The following SUZ12 variants were observed in gnomAD, a reference collection of about 807,000 sequenced individuals.
SUZ12 encodes polycomb protein SUZ12.
SUZ12 carries 17 observed loss-of-function variants against 87.3 expected under a neutral mutation model. That is an observed-to-expected ratio of 0.19 (90% CI 0.13 to 0.29). SUZ12 has a LOEUF of 0.29. SUZ12 is among the 10% of genes least tolerant of loss of function. SUZ12 has a pLI of 1.00. For missense variants in SUZ12, 526 were observed against 912.2 expected, an observed-to-expected ratio of 0.58 and a Z score of 5.45; for synonymous variants, 253 against 312.4, an observed-to-expected ratio of 0.81 and a Z score of 2.01.
rs575713510 is a variant in SUZ12, at chr17:31,938,045, C to G, written c.274+525C>G. On this transcript the variant is annotated intron_variant, in intron 1 of 15. Coordinates refer to ENST00000322652, the MANE Select transcript of SUZ12 (RefSeq NM_015355.4). The stretch of plus-strand genomic sequence containing the variant: ...TTTGGATGCTTAAAACCCTTCAAAT[C>G]TATCCACCCATTTTGTGGATATGTA... Among the ~76,000 whole-genome samples, 336 of 151,538 alleles carry G rather than the reference C, an allele frequency of 2.2e-3. 1 individual carries two copies. The highest frequency in any genetic ancestry group is 7.6e-3 in the African/African-American group (314 of 41,238).
chr17:31,958,803 A>C (rs924347535), intron 4 of SUZ12, among the ~76,000 whole-genome samples: 13 of 152,116 alleles, frequency 8.5e-5, no homozygotes, highest in African/African-American at 3.1e-4. Flanking sequence ...CCGAGATTAC[A>C]CCGCTGCACT....
At chr17:31,947,896 A>C (rs945705528) in intron 4 of SUZ12, among the ~76,000 whole-genome samples, 9 of 152,112 alleles carry the variant, frequency 5.9e-5, no homozygotes, top group Non-Finnish European at 8.8e-5. Flanking sequence ...CCTCCAGTGT[A>C]GTTGTATTTA....
intron 11 of SUZ12, among the ~76,000 whole-genome samples, 175 bp downstream of exon 11, chr17:31,993,508 G>A (rs1164772862): frequency 6.6e-6 from 1 of 152,032 alleles, no homozygotes; most frequent in Non-Finnish European, 1.5e-5. Flanking sequence ...TGCAACCTCT[G>A]CCTCCTGGGT....
At position 31,995,590 on chromosome 17, in the gene SUZ12, C is replaced by G. The variant is rs1432802902; in HGVS notation, c.1622C>G (p.Ser541Cys). Residue 541 changes from serine (S) to cysteine (C), a missense_variant, in exon 14 of 16, where the codon TCT (serine) becomes TGT (cysteine). Ser to Cys is a moderately radical substitution (Grantham distance 112). Coordinates refer to ENST00000322652, the MANE Select transcript of SUZ12 (RefSeq NM_015355.4). ...CRPKRTKASM[S>C]EFLESEDGEV... ...CCAAAACGAACAAAAGCAAGCATGTCTGAATTTCTTGAATCTGAAGATGGG... is the reference window on the plus strand; with the variant it reads ...CCAAAACGAACAAAAGCAAGCATGTGTGAATTTCTTGAATCTGAAGATGGG... 1 of 1,613,814 alleles carries G rather than the reference C, an allele frequency of 6.2e-7. No homozygotes were observed. Among genetic ancestry groups the G allele is most frequent in the Non-Finnish European group, 8.5e-7 (1 of 1,179,968 alleles).
Position 31,998,896 on chromosome 17 carries a change from C to G in SUZ12, c.2113C>G (p.Gln705Glu). 6.2e-7 allele frequency: 1 copy of G among 1,613,438 alleles called. No homozygotes were observed. Among genetic ancestry groups the G allele is most frequent in the Non-Finnish European group, 8.5e-7 (1 of 1,179,862 alleles). Residue 705 changes from glutamine to glutamate, a missense_variant, in exon 16 of 16, where the codon CAA becomes GAA. By Grantham distance (29) the Gln-to-Glu change is conservative. Coordinates refer to ENST00000322652, the MANE Select transcript of SUZ12 (RefSeq NM_015355.4). Reference sequence around the variant, plus strand: ...TGCAAACGAAGAAATAACTGAAGAACAAAATGGGACAGCAAATGGATTTAG... The same window carrying G: ...TGCAAACGAAGAAATAACTGAAGAAGAAAATGGGACAGCAAATGGATTTAG... ...SPANEEITEEQNGTANGFSEI... is the reference protein window; with the variant it reads ...SPANEEITEEENGTANGFSEI...
intron 8 of SUZ12, among the ~76,000 whole-genome samples, chr17:31,982,475 G>C (rs1362252866): frequency 1.3e-5 from 2 of 152,136 alleles, no homozygotes; most frequent in Non-Finnish European, 2.9e-5. Flanking sequence ...GCCTGGCCAA[G>C]ATGCTGAAAC....
intron 8 of SUZ12, among the ~76,000 whole-genome samples, chr17:31,979,123 A>AAAAAAAAAG (rs1389571589): frequency 5.5e-5 from 8 of 145,730 alleles, no homozygotes; most frequent in African/African-American, 2.1e-4. Flanking sequence ...AAAAAAAAAA[A>AAAAAAAAAG]AAGAATTCAA....
At chr17:31,998,078 A>G (rs1321013303) in intron 15 of SUZ12, among the ~76,000 whole-genome samples, 1 of 136,554 alleles carries the variant, frequency 7.3e-6, no homozygotes, top group African/African-American at 2.8e-5. Context: ...TCTCTACTAA[A>G]TTTTTTTTTT....
At chr17:31,994,055 G>T (rs757737055) in intron 12 of SUZ12, 47 bp downstream of exon 12, 2 of 1,576,352 alleles carry the variant, frequency 1.3e-6, no homozygotes, top group East Asian at 2.3e-5. Flanking sequence ...GAAATCTCTT[G>T]TACCCCATAA....
intron 4 of SUZ12, 174 bp from the exon 5 acceptor site, chr17:31,965,973 T>G (rs1382090921): frequency 3.7e-6 from 2 of 546,362 alleles, no homozygotes; most frequent in Non-Finnish European, 6.4e-6. Context: ...AGACACACTT[T>G]TGGATGTCAT....
chr17:31,997,148 G>A (rs1910018771), intron 15 of SUZ12, among the ~76,000 whole-genome samples: 1 of 152,064 alleles, frequency 6.6e-6, no homozygotes, highest in African/African-American at 2.4e-5. Flanking sequence ...CTTGCCTTTA[G>A]AACTTGTTGC....
chr17:31,972,699 C>G (rs1391788225), intron 5 of SUZ12, among the ~76,000 whole-genome samples: 1 of 151,244 alleles, frequency 6.6e-6, no homozygotes, highest in African/African-American at 2.4e-5. Context: ...CAGGCATGAG[C>G]CACTATGCCT....
intron 6 of SUZ12, among the ~76,000 whole-genome samples, chr17:31,973,899 C>T (rs1908583165): frequency 6.6e-6 from 1 of 152,022 alleles, no homozygotes; most frequent in Non-Finnish European, 1.5e-5. Flanking sequence ...GACTAAGGCA[C>T]CATGGAGGCA....
intron 15 of SUZ12, among the ~76,000 whole-genome samples, 178 bp from the exon 16 acceptor site, chr17:31,998,480 T>C (rs1009623934): frequency 6.6e-6 from 1 of 152,212 alleles, no homozygotes; most frequent in Non-Finnish European, 1.5e-5. Flanking sequence ...TCTCTTGAAA[T>C]TTTTAAAATG....
rs1908864631 is a variant in SUZ12 at position 31,978,053 on chromosome 17, T to C, written c.917+1439T>C. Among the ~76,000 whole-genome samples, 3 of 152,120 alleles carry C rather than the reference T, an allele frequency of 2.0e-5. No homozygotes were observed. In the South Asian group the frequency reaches 6.2e-4, roughly 31 times the overall value. On this transcript the variant is annotated intron_variant, in intron 8 of 15. Transcript: ENST00000322652. ...AGTGAAAGAATGTCTGGGAAGCAAATCCAGCATTTTTTCTTTTTGGGATTG... is the reference window on the plus strand; with the variant it reads ...AGTGAAAGAATGTCTGGGAAGCAAACCCAGCATTTTTTCTTTTTGGGATTG...
chr17:31,997,886 T>C (rs1910064210), intron 15 of SUZ12, among the ~76,000 whole-genome samples: 1 of 152,138 alleles, frequency 6.6e-6, no homozygotes, highest in Admixed American at 6.6e-5. Flanking sequence ...TGGATTTGTT[T>C]ACCATTTCAT....
At chr17:31,942,154 C>T (rs564447010) in intron 3 of SUZ12, among the ~76,000 whole-genome samples, 38 of 151,104 alleles carry the variant, frequency 2.5e-4, no homozygotes, top group South Asian at 1.3e-3. Flanking sequence ...GCCCGGCCTC[C>T]GCTGGTTATT....
chr17:31,994,605 G>T lies in SUZ12; in HGVS notation c.1479G>T (p.Glu493Asp). ...CTAGGATAGATGTTTCTATCAATGA[G>T]TGTTATGATGGCTCCTATGCAGGAA... Reference protein sequence around the residue: ...KGARIDVSINECYDGSYAGNP... With the variant: ...KGARIDVSINDCYDGSYAGNP... The change falls in exon 13 of 16, where the codon GAG becomes GAT. Residue 493 changes from glutamate to aspartate, a missense_variant. By Grantham distance (45) the Glu-to-Asp change is conservative. Coordinates refer to ENST00000322652, the MANE Select transcript of SUZ12 (RefSeq NM_015355.4). 1 of 1,613,912 alleles carries T rather than the reference G, an allele frequency of 6.2e-7. No individual in the cohort carries two copies. The highest frequency in any genetic ancestry group is 8.5e-7 in the Non-Finnish European group (1 of 1,179,962).
intron 4 of SUZ12, among the ~76,000 whole-genome samples, chr17:31,956,760 G>GTA (rs889853999): frequency 1.3e-5 from 2 of 151,656 alleles, no homozygotes; most frequent in African/African-American, 2.4e-5. Flanking sequence ...GTGTGTGTGT[G>GTA]TATATATATG....
Sources: gnomAD v4.1 joint callset for allele counts (sites outside exome capture counted in the v4.1 genomes callset) on GRCh38, gnomAD v4.1.1 for gene constraint, MANE v1.5 for transcripts, NCBI Gene and HGNC (gene_info 2026-07-23, HGNC 2026-07-21) for gene names.